Variants in RNLS observed in about 807,000 individuals in gnomAD.
The protein encoded by RNLS is renalase.
RNLS carries 39 observed loss-of-function variants against 39.8 expected under a neutral mutation model. The observed-to-expected ratio is 0.98, with a 90% CI of 0.76 to 1.28. The LOEUF (loss-of-function observed/expected upper bound fraction) is 1.28, where lower values mean the gene tolerates loss of function less well. Ranked by LOEUF, RNLS falls within the 50% of genes most tolerant of loss-of-function variation. RNLS has a pLI of 0.00. For synonymous variants in RNLS, 147 were observed against 150.7 expected (o/e 0.98, Z 0.18); for missense variants, 410 against 413.3 (o/e 0.99, Z 0.07).
chr10:88,360,129 T>G (rs1012937596), intron 5 of RNLS, among the ~76,000 whole-genome samples: 1 of 152,252 alleles, frequency 6.6e-6, no homozygotes, highest in Non-Finnish European at 1.5e-5. Flanking sequence ...ACCTCCCATA[T>G]AAGATGTGAC....
At chr10:88,481,262 G>A (rs1844149442) in intron 4 of RNLS, among the ~76,000 whole-genome samples, 1 of 152,106 alleles carries the variant, frequency 6.6e-6, no homozygotes, top group South Asian at 2.1e-4. Flanking sequence ...TTAAAATCCA[G>A]TTTGTCAACC....
At chr10:88,431,869 T>G (rs1328783015) in intron 4 of RNLS, among the ~76,000 whole-genome samples, 3 of 151,738 alleles carry the variant, frequency 2.0e-5, no homozygotes, top group Non-Finnish European at 1.5e-5. Context: ...ACTGACAATG[T>G]CTTTATGGCC....
chr10:88,492,271 T>G (rs934355099), intron 4 of RNLS, among the ~76,000 whole-genome samples: 51 of 152,202 alleles, frequency 3.4e-4, no homozygotes, highest in African/African-American at 1.1e-3. Context: ...AAGTAATTTT[T>G]GGGGTAGCAT....
At chr10:88,275,361 T>A (rs1842778427) in intron 6 of RNLS, among the ~76,000 whole-genome samples, 1 of 152,190 alleles carries the variant, frequency 6.6e-6, no homozygotes, top group Non-Finnish European at 1.5e-5. Flanking sequence ...TATAAAAAAT[T>A]AACATATTCC....
At chr10:88,337,050 G>T (rs1847556792) in intron 5 of RNLS, among the ~76,000 whole-genome samples, 1 of 152,106 alleles carries the variant, frequency 6.6e-6, no homozygotes, top group South Asian at 2.1e-4. Context: ...GGGGCAGAGA[G>T]TACTCCCTAT....
chr10:88,309,728 G>A (rs1845213565), intron 6 of RNLS, among the ~76,000 whole-genome samples: 1 of 152,140 alleles, frequency 6.6e-6, no homozygotes, highest in East Asian at 1.9e-4. Flanking sequence ...ATGACAAGCC[G>A]ACATGGCTAA....
chr10:88,330,092 A>ATATATATATATATATATATATATAT (rs750773423), intron 5 of RNLS, among the ~76,000 whole-genome samples: 2 of 138,226 alleles, frequency 1.4e-5, no homozygotes, highest in South Asian at 4.5e-4. Context: ...TATATATATA[A>ATATATATATATATATATATATATAT]ATATAAATAT....
chr10:88,577,614 A>G (rs1189548582), intron 3 of RNLS, among the ~76,000 whole-genome samples: 4 of 152,176 alleles, frequency 2.6e-5, no homozygotes, highest in African/African-American at 7.2e-5. Flanking sequence ...GCTATTGTCA[A>G]TTCTCACCCC....
At chr10:88,401,828 T>C (rs1188322783) in intron 4 of RNLS, among the ~76,000 whole-genome samples, 1 of 151,918 alleles carries the variant, frequency 6.6e-6, no homozygotes, top group East Asian at 1.9e-4. Flanking sequence ...GGCTGCTGAA[T>C]TGGGAGGGTG....
the RNLS span, among the ~76,000 whole-genome samples, chr10:88,199,023 T>C: frequency 2.0e-5 from 3 of 152,030 alleles, no homozygotes; most frequent in East Asian, 3.9e-4. Flanking sequence ...CAGCAAAGAC[T>C]CCAGAGCAAA....
At chr10:88,270,670 A>G (rs1842624573), downstream of RNLS, among the ~76,000 whole-genome samples, 1 of 152,228 alleles carries the variant, frequency 6.6e-6, no homozygotes, top group South Asian at 2.1e-4. Flanking sequence ...TGAATCTATA[A>G]TCAAAATCTC....
At chr10:88,266,400 C>G in the RNLS span, among the ~76,000 whole-genome samples, 1 of 152,158 alleles carries the variant, frequency 6.6e-6, no homozygotes, top group Non-Finnish European at 1.5e-5. Context: ...GGGGAGGCTG[C>G]TCCTAAAATA....
At chr10:88,492,896 A>G (rs1589890093) in intron 4 of RNLS, among the ~76,000 whole-genome samples, 1 of 152,132 alleles carries the variant, frequency 6.6e-6, no homozygotes, top group African/African-American at 2.4e-5. Context: ...TTCTCTCCCA[A>G]TGTTTACATC....
chr10:88,229,328 C>T, the RNLS span, among the ~76,000 whole-genome samples: 1 of 152,160 alleles, frequency 6.6e-6, no homozygotes, highest in Non-Finnish European at 1.5e-5. Flanking sequence ...CTTCTGTTGG[C>T]TCCTCTCACA....
intron 3 of RNLS, among the ~76,000 whole-genome samples, chr10:88,580,518 G>A (rs1850476752): frequency 6.6e-6 from 1 of 152,038 alleles, no homozygotes; most frequent in Admixed American, 6.6e-5. Flanking sequence ...CTCAACTTGG[G>A]TACTTAACTG....
chr10:88,194,225 T>G, the RNLS span, among the ~76,000 whole-genome samples: 1 of 152,226 alleles, frequency 6.6e-6, no homozygotes, highest in Non-Finnish European at 1.5e-5. Context: ...GGGTGTACTC[T>G]GCATGACAGG....
the RNLS span, among the ~76,000 whole-genome samples, chr10:88,248,700 T>C: frequency 2.9e-4 from 44 of 152,316 alleles, no homozygotes; most frequent in African/African-American, 1.1e-3. Context: ...TATTGATTGA[T>C]AGTACCCTCC....
chr10:88,475,659 T>C (rs1843775617), intron 4 of RNLS, among the ~76,000 whole-genome samples: 1 of 152,174 alleles, frequency 6.6e-6, no homozygotes, highest in African/African-American at 2.4e-5. Context: ...AGCTGTTCCC[T>C]CTACACTCTC....
At chr10:88,188,390 T>G in the RNLS span, among the ~76,000 whole-genome samples, 1 of 152,220 alleles carries the variant, frequency 6.6e-6, no homozygotes, top group Non-Finnish European at 1.5e-5. Context: ...CCGGCAGCAT[T>G]AGAGACTTTT....
Sources: allele counts gnomAD v4.1 joint callset (sites outside exome capture counted in the v4.1 genomes callset), GRCh38; gene constraint gnomAD v4.1.1; transcripts MANE v1.5; gene names NCBI Gene and HGNC (gene_info 2026-07-23, HGNC 2026-07-21).